The following TWF1 variants were observed in gnomAD, a reference collection of about 807,000 sequenced individuals.
The protein encoded by TWF1 is twinfilin actin binding protein 1.
In TWF1, 14 loss-of-function variants were observed where a neutral mutation model predicts 47.9. The observed-to-expected ratio is 0.29, with a 90% CI of 0.19 to 0.46. TWF1 has a LOEUF of 0.46. Ranked by LOEUF, TWF1 falls within the 20% of genes least tolerant of loss-of-function variation. The pLI is 1.00. For missense variants in TWF1, 281 were observed against 409.3 expected (o/e 0.69, Z 2.70); for synonymous variants, 96 against 139.2 (o/e 0.69, Z 2.18).
intron 3 of TWF1, among the ~76,000 whole-genome samples, chr12:43,801,029 G>A (rs898853694): frequency 6.6e-6 from 1 of 152,092 alleles, no homozygotes; most frequent in African/African-American, 2.4e-5. Context: ...AGGGATTACA[G>A]GCATGAGCCA....
Position 43,794,341 on chromosome 12 carries a change from G to A in TWF1, c.*1244C>T, listed in dbSNP as rs559593970. The A allele has an allele frequency of 2.0e-5, 3 of 152,346 alleles. No individual in the cohort carries two copies. The South Asian group carries it at 6.2e-4, about 32-fold the overall frequency. 9.4% of individuals were successfully genotyped at this position (152,346 alleles called of 1,614,324 possible). ...TTATTCTAATATGCTTTACTTACTC[G>A]AACACAAATTTCTGAAAGGTGCATA... On this transcript the variant is annotated 3_prime_UTR_variant, in exon 9 of 9. Transcript: ENST00000395510.
intron 5 of TWF1, among the ~76,000 whole-genome samples, chr12:43,798,299 T>C (rs1423797911): frequency 7.2e-5 from 11 of 152,166 alleles, no homozygotes; most frequent in Admixed American, 7.2e-4. Flanking sequence ...CAACAAGTTA[T>C]ACTACTGCAG....
In TWF1 at chr12:43,800,544, A is replaced by G; in HGVS notation, c.283-14T>C. 1.3e-6 allele frequency: 2 copies of G among 1,594,716 alleles called. No individual in the cohort carries two copies. On this transcript the variant is annotated splice_polypyrimidine_tract_variant and intron_variant, in intron 3 of 8. Coordinates refer to ENST00000395510, the MANE Select transcript of TWF1 (RefSeq NM_002822.5). ...TTTTTGACGAACCTATTCAGTTGTG[A>G]AAGTTTACTTAGTTTATAGATGAAA...
intron 8 of TWF1, among the ~76,000 whole-genome samples, chr12:43,796,057 A>AT (rs1942544073): frequency 6.6e-6 from 1 of 152,214 alleles, no homozygotes; most frequent in African/African-American, 2.4e-5. Context: ...TTCAAGGAAC[A>AT]TTTACTCATG....
In TWF1 at chr12:43,797,136, A is replaced by G. The variant is rs758255873; in HGVS notation, c.761-39T>C. On this transcript the variant is annotated intron_variant, in intron 7 of 8. Transcript: ENST00000395510. ...TAATAACAAATATAATTAGCATATC[A>G]ATACATAAACTTCATAAAACTACAT... is the stretch of plus-strand genomic sequence containing the variant. 5 of 1,545,946 alleles carry G rather than the reference A, an allele frequency of 3.2e-6. No homozygotes were observed. The South Asian group carries it at 6.0e-5, about 19-fold the overall frequency.
intron 2 of TWF1, among the ~76,000 whole-genome samples, chr12:43,803,736 T>G (rs572802721): frequency 2.0e-5 from 3 of 152,246 alleles, no homozygotes; most frequent in African/African-American, 7.2e-5. Flanking sequence ...AAATGCATAT[T>G]TTACAAACTA....
rs1227199952 is a variant in TWF1, at chr12:43,794,186, T to C, written c.*1399A>G. ...ACGTGTACACCCATGGAACAACTTA[T>C]ATCTTTAGTAAACAAGTGCAACATT... On this transcript the variant is annotated 3_prime_UTR_variant, in exon 9 of 9. Transcript: ENST00000395510. 6.6e-6 allele frequency: 1 copy of C among 152,634 alleles called. No individual in the cohort carries two copies. Among genetic ancestry groups the C allele is most frequent in the African/African-American group, 2.4e-5 (1 of 41,448 alleles). The allele number at this position is 152,634 out of a possible 1,614,324, so 9.5% of individuals were successfully genotyped here.
rs1317273208 is a variant in TWF1, at chr12:43,800,516, CATT to C, written c.294_296del (p.Met99del). On this transcript the variant is annotated inframe_deletion, in exon 4 of 9. Coordinates refer to ENST00000395510, the MANE Select transcript of TWF1 (RefSeq NM_002822.5). ...GAGTTGCTCTTGTTGCTGCATACAACATTTTTTGACGAACCTATTCAGTTGTGA... is the reference window on the plus strand; with the variant it reads ...GAGTTGCTCTTGTTGCTGCATACAACTTTTGACGAACCTATTCAGTTGTGA... The C allele has an allele frequency of 1.2e-6, 2 of 1,613,376 alleles. No homozygotes were observed. Among genetic ancestry groups the C allele is most frequent in the Non-Finnish European group, 1.7e-6 (2 of 1,179,754 alleles).
chr12:43,801,821 C>A (rs758679777), intron 3 of TWF1, among the ~76,000 whole-genome samples: 1 of 151,974 alleles, frequency 6.6e-6, no homozygotes, highest in Admixed American at 6.6e-5. Flanking sequence ...CTTAAGGCCA[C>A]GAGTTTGAGA....
rs370995536 is a variant in TWF1 at position 43,802,393 on chromosome 12, G to T, written c.175C>A (p.Pro59Thr). The T allele has an allele frequency of 1.2e-6, 2 of 1,605,424 alleles. No homozygotes were observed. Among genetic ancestry groups the T allele is most frequent in the South Asian group, 1.1e-5 (1 of 89,452 alleles). The change falls in exon 3 of 9, where the codon CCC (proline) becomes ACC (threonine). Residue 59 changes from proline (P) to threonine (T), a missense_variant. Coordinates refer to ENST00000395510, the MANE Select transcript of TWF1 (RefSeq NM_002822.5). ...WDKDYDSFVL[P>T]LLEDKQPCYI... The stretch of plus-strand genomic sequence containing the variant: ...CATGGTTGTTTGTCCTCCAACAGGG[G>T]TAAAACAAAGGAATCATAATCCTTA...
intron 3 of TWF1, among the ~76,000 whole-genome samples, chr12:43,801,758 A>G (rs1403289069): frequency 6.6e-6 from 1 of 152,170 alleles, no homozygotes; most frequent in African/African-American, 2.4e-5. Flanking sequence ...GGTTGGACAC[A>G]GTGGCTCATA....
intron 3 of TWF1, among the ~76,000 whole-genome samples, chr12:43,802,064 T>C (rs111461012): frequency 0.013 from 1,996 of 152,166 alleles, 38 homozygotes; most frequent in African/African-American, 0.045. Context: ...TGCCACAAAT[T>C]TTTAAATCTT....
At chr12:43,805,999 C>A (rs747093251) in intron 1 of TWF1, 2 of 1,531,132 alleles carry the variant, frequency 1.3e-6, no homozygotes, top group Non-Finnish European at 1.8e-6. Flanking sequence ...AATTTCGGAT[C>A]AATCTGCAAC....
intron 4 of TWF1, 98 bp from the exon 5 acceptor site, chr12:43,799,600 T>C (rs1942621745): frequency 5.4e-6 from 3 of 555,790 alleles, no homozygotes; most frequent in Non-Finnish European, 6.0e-6. Flanking sequence ...GAAAAGATTT[T>C]AAATGAAAAT....
chr12:43,800,793 C>A (rs543735268), intron 3 of TWF1, among the ~76,000 whole-genome samples: 110 of 152,270 alleles, frequency 7.2e-4, no homozygotes, highest in African/African-American at 2.5e-3. Context: ...TCTTGTTGCC[C>A]AGGCTGGAGT....
intron 2 of TWF1, among the ~76,000 whole-genome samples, chr12:43,802,986 C>T (rs1314042082): frequency 6.6e-6 from 1 of 152,142 alleles, no homozygotes; most frequent in African/African-American, 2.4e-5. Flanking sequence ...TGGTATTCAG[C>T]AGAATCAAGT....
At chr12:43,797,976 T>C in intron 5 of TWF1, 143 bp from the exon 6 acceptor site, 1 of 829,464 alleles carries the variant, frequency 1.2e-6, no homozygotes. Context: ...TTGTTTACGG[T>C]CCTGCTAGCA....
intron 3 of TWF1, among the ~76,000 whole-genome samples, chr12:43,801,998 C>A (rs1287865508): frequency 6.6e-6 from 1 of 152,200 alleles, no homozygotes; most frequent in Non-Finnish European, 1.5e-5. Context: ...CCACAGCAAG[C>A]TGGTCTGGGT....
Sources: gnomAD v4.1 joint callset for allele counts (sites outside exome capture counted in the v4.1 genomes callset) on GRCh38, gnomAD v4.1.1 for gene constraint, MANE v1.5 for transcripts, NCBI Gene and HGNC (gene_info 2026-07-23, HGNC 2026-07-21) for gene names.